Variants in DAAM2 observed in about 807,000 individuals in gnomAD.
DAAM2 encodes the protein disheveled-associated activator of morphogenesis 2.
A neutral mutation model predicts 120.7 loss-of-function variants in DAAM2; 39 were observed. That is an observed-to-expected ratio of 0.32 (90% CI 0.25 to 0.42). DAAM2 has a LOEUF of 0.42. DAAM2 is among the 10% of genes least tolerant of loss of function. The probability of loss-of-function intolerance (pLI) is 1.00; values close to 1 mark genes in which losing one functional copy is unlikely to be tolerated. For synonymous variants in DAAM2, 488 were observed against 524.9 expected, an observed-to-expected ratio of 0.93 and a Z score of 0.96; for missense variants, 1,283 against 1,401.7, an observed-to-expected ratio of 0.92 and a Z score of 1.35.
intron 9 of DAAM2, among the ~76,000 whole-genome samples, chr6:39,872,044 T>C (rs901532438): frequency 6.6e-6 from 1 of 152,108 alleles, no homozygotes; most frequent in Non-Finnish European, 1.5e-5. Context: ...TTGGCCTTTT[T>C]GTTCTCTCCA....
At chr6:39,793,471 A>G (rs1249794558) in intron 1 of DAAM2, among the ~76,000 whole-genome samples, 3 of 151,846 alleles carry the variant, frequency 2.0e-5, no homozygotes, top group Non-Finnish European at 4.4e-5. Flanking sequence ...ACTTCTCCAC[A>G]GTTTTGGAGT....
intron 1 of DAAM2, among the ~76,000 whole-genome samples, chr6:39,837,416 C>G (rs1763142274): frequency 6.6e-6 from 1 of 152,116 alleles, no homozygotes; most frequent in Non-Finnish European, 1.5e-5. Flanking sequence ...AACATAGCTG[C>G]TATTCTCGAA....
At chr6:39,876,722 T>C (rs913716407) in intron 11 of DAAM2, among the ~76,000 whole-genome samples, 293 of 106,972 alleles carry the variant, frequency 2.7e-3, no homozygotes, top group African/African-American at 9.6e-3. Flanking sequence ...TGTGTGTGTG[T>C]GTGTGTGCGT....
At chr6:39,898,094 G>A (rs1319875084) in intron 21 of DAAM2, among the ~76,000 whole-genome samples, 1 of 152,228 alleles carries the variant, frequency 6.6e-6, no homozygotes. Context: ...GTGAGCCAGA[G>A]ATAGAAAGAA....
chr6:39,858,733 T>C (rs1055850052), intron 2 of DAAM2, among the ~76,000 whole-genome samples: 2 of 152,204 alleles, frequency 1.3e-5, no homozygotes, highest in South Asian at 4.1e-4. Flanking sequence ...CTGGAGACAG[T>C]GGGGCCCTAG....
intron 1 of DAAM2, chr6:39,819,499 A>C (rs1762416168): frequency 1.3e-5 from 2 of 152,190 alleles, no homozygotes; most frequent in South Asian, 4.1e-4. Context: ...ACTCTCAAAC[A>C]CACTCTCAAA....
chr6:39,870,363 T>C lies in DAAM2; in HGVS notation c.897T>C (p.His299=). The C allele has an allele frequency of 6.3e-7, 1 of 1,580,324 alleles. No homozygotes were observed. Among genetic ancestry groups the C allele is most frequent in the Non-Finnish European group, 8.6e-7 (1 of 1,161,598 alleles). The change falls in exon 8 of 25, where the codon CAT becomes CAC. Residue 299 remains histidine, a synonymous_variant. Coordinates refer to ENST00000274867, the MANE Select transcript of DAAM2 (RefSeq NM_001201427.2). ...AGGATAATCTGGAGTTCCGCCTACA[T>C]CTACGGTATGAATTCCTGATGCTGG... is the stretch of plus-strand genomic sequence containing the variant. ...AGEDNLEFRL[H]LRYEFLMLGI...
At chr6:39,831,940 CGGGG>C (rs1762923127) in intron 1 of DAAM2, among the ~76,000 whole-genome samples, 1 of 72,844 alleles carries the variant, frequency 1.4e-5, no homozygotes, top group Non-Finnish European at 2.5e-5. Flanking sequence ...GTGCGAGGGC[CGGGG>C]CACTGGAGGG....
intron 1 of DAAM2, among the ~76,000 whole-genome samples, chr6:39,793,952 T>G (rs935652968): frequency 2.6e-5 from 4 of 151,640 alleles, no homozygotes. Context: ...CCTAGAAAAA[T>G]GAGAAAATGA....
At chr6:39,851,444 G>A (rs1020231066) in intron 1 of DAAM2, among the ~76,000 whole-genome samples, 3 of 152,180 alleles carry the variant, frequency 2.0e-5, no homozygotes, top group Non-Finnish European at 2.9e-5. Flanking sequence ...AGTTGTCGAG[G>A]GAATAAAATG....
intron 17 of DAAM2, chr6:39,889,117 A>G: frequency 6.0e-6 from 1 of 166,432 alleles, no homozygotes; most frequent in Non-Finnish European, 1.3e-5. Context: ...ACTTCTGTTC[A>G]TCAAGGGCAT....
intron 5 of DAAM2, 100 bp downstream of exon 5, chr6:39,865,174 C>A: frequency 1.4e-6 from 1 of 737,124 alleles, no homozygotes; most frequent in Non-Finnish European, 2.4e-6. Flanking sequence ...CATGCCGGTC[C>A]TCCTGGCCAA....
In DAAM2 at chr6:39,902,201, C is replaced by A. The variant is rs1429247568; in HGVS notation, c.*164C>A. The A allele has an allele frequency of 3.7e-6, 2 of 534,798 alleles. No homozygotes were observed. Among genetic ancestry groups the A allele is most frequent in the Admixed American group, 3.5e-5 (1 of 28,340 alleles). The allele number at this position is 534,798 out of a possible 1,614,324, so 33.1% of individuals were successfully genotyped here. On this transcript the variant is annotated 3_prime_UTR_variant, in exon 25 of 25. Transcript: ENST00000274867. ...TGGCTGGACCAGGTGTCTCCCCACG[C>A]TTACCTTAAGGGGCTCCTCTTATCT...
rs200618513 is a variant in DAAM2, at chr6:39,901,976, G to A, written c.3146G>A (p.Arg1049Gln). 332 of 1,612,054 alleles carry A rather than the reference G, an allele frequency of 2.1e-4. No individual in the cohort carries two copies. Among genetic ancestry groups the A allele is most frequent in the Non-Finnish European group, 2.6e-4 (304 of 1,178,490 alleles). Reference protein sequence around the residue: ...DLCKLKRSRKRSGSQALEVTR... With the variant: ...DLCKLKRSRKQSGSQALEVTR... Reference sequence around the variant, plus strand: ...TGCAAGCTCAAGCGCAGCCGCAAGCGATCAGGGAGCCAGGCCCTGGAAGTT... The same window carrying A: ...TGCAAGCTCAAGCGCAGCCGCAAGCAATCAGGGAGCCAGGCCCTGGAAGTT... The change falls in exon 25 of 25, where the codon CGA becomes CAA. Residue 1049 changes from arginine (R) to glutamine (Q), a missense_variant. Arg to Gln is a conservative substitution (Grantham distance 43). Coordinates refer to ENST00000274867, the MANE Select transcript of DAAM2 (RefSeq NM_001201427.2). This position sits in a 1 kb window ranked among gnomAD's most constrained non-coding sequence, Gnocchi z 4.5.
intron 2 of DAAM2, among the ~76,000 whole-genome samples, chr6:39,858,597 C>T (rs778644221): frequency 5.3e-5 from 8 of 152,144 alleles, no homozygotes; most frequent in Non-Finnish European, 1.5e-5. Context: ...TCTTTCTGTA[C>T]ATCAGTTTCC....
intron 21 of DAAM2, among the ~76,000 whole-genome samples, chr6:39,897,569 G>A (rs2149374030): frequency 6.6e-6 from 1 of 152,304 alleles, no homozygotes; most frequent in South Asian, 2.1e-4. Context: ...GCCAAGACTG[G>A]CACCAGGAAG....
At chr6:39,794,438 G>A (rs184246) in intron 1 of DAAM2, among the ~76,000 whole-genome samples, 20,967 of 152,134 alleles carry the variant, frequency 0.14, 1,582 homozygotes, top group Non-Finnish European at 0.16. Context: ...TTCCTCCAGC[G>A]CCTCGGATGC....
rs1393968546 is a variant in DAAM2, at chr6:39,869,448, G to A, written c.873+515G>A. On this transcript the variant is annotated intron_variant, in intron 7 of 24. Coordinates refer to ENST00000274867, the MANE Select transcript of DAAM2 (RefSeq NM_001201427.2). The stretch of plus-strand genomic sequence containing the variant: ...AAAAAAATATAAAAATTAGCCAAGT[G>A]TGGTGGTGGGCACCTGTAATCCCAG... 3.3e-5 allele frequency among the ~76,000 whole-genome samples: 5 copies of A among 152,140 alleles called. No homozygotes were observed. The East Asian group carries it at 7.7e-4, about 23-fold the overall frequency.
Position 39,878,193 on chromosome 6 carries a change from G to T in DAAM2, c.1302-10G>T, listed in dbSNP as rs966207839. ...CAATCACATTGCCCCTTCCCTCTATGCCCTGCCAGGCTCATCAACGAGAAT... is the reference window on the plus strand; with the variant it reads ...CAATCACATTGCCCCTTCCCTCTATTCCCTGCCAGGCTCATCAACGAGAAT... On this transcript the variant is annotated splice_polypyrimidine_tract_variant and intron_variant, in intron 11 of 24. Coordinates refer to ENST00000274867, the MANE Select transcript of DAAM2 (RefSeq NM_001201427.2). This position sits in a 1 kb window ranked among gnomAD's most constrained non-coding sequence, Gnocchi z 5.0. 2 of 1,613,704 alleles carry T rather than the reference G, an allele frequency of 1.2e-6. No homozygotes were observed. Among genetic ancestry groups the T allele is most frequent in the Admixed American group, 3.3e-5 (2 of 59,992 alleles).
Sources: allele counts gnomAD v4.1 joint callset (sites outside exome capture counted in the v4.1 genomes callset), GRCh38; gene constraint gnomAD v4.1.1; non-coding constraint Gnocchi (gnomAD v3.1); transcripts MANE v1.5; gene names NCBI Gene and HGNC (gene_info 2026-07-23, HGNC 2026-07-21).